The following ESRRG variants were observed in gnomAD, a reference collection of about 807,000 sequenced individuals.
The protein encoded by ESRRG is estrogen-related receptor gamma.
In ESRRG, 13 loss-of-function variants were observed where a neutral mutation model predicts 44.0. The observed-to-expected ratio is 0.30, with a 90% confidence interval of 0.19 to 0.47. The LOEUF is 0.47. ESRRG is among the 20% of genes least tolerant of loss of function. The pLI, the probability that ESRRG is intolerant of heterozygous loss-of-function variation, is 1.00. For missense variants in ESRRG, 395 were observed against 580.6 expected (o/e 0.68, Z 3.29); for synonymous variants, 215 against 214.6 (o/e 1.00, Z -0.02).
At chr1:216,507,232 C>CCTAT (rs1235600800) in intron 6 of ESRRG, 49 bp from the exon 7 acceptor site, 1 of 1,285,338 alleles carries the variant, frequency 7.8e-7, no homozygotes, top group Non-Finnish European at 1.1e-6. Flanking sequence ...TAATAGCAAA[C>CCTAT]CTATGTAGAC....
At chr1:217,019,742 G>T (rs1368000295) in intron 1 of ESRRG, among the ~76,000 whole-genome samples, 1 of 152,136 alleles carries the variant, frequency 6.6e-6, no homozygotes, top group Non-Finnish European at 1.5e-5. Context: ...ATTAGGAAGA[G>T]CAGAGTCATC....
chr1:216,888,583 C>G (rs1054670625), intron 2 of ESRRG, among the ~76,000 whole-genome samples: 5 of 152,166 alleles, frequency 3.3e-5, no homozygotes, highest in Non-Finnish European at 4.4e-5. Flanking sequence ...ATTTTACCTA[C>G]AGGGTCATGG....
chr1:216,821,937 T>C (rs930753043), intron 2 of ESRRG, among the ~76,000 whole-genome samples: 5 of 151,880 alleles, frequency 3.3e-5, no homozygotes, highest in African/African-American at 1.2e-4. Flanking sequence ...GTTCAAAGCT[T>C]GGGATGCTGA....
chr1:216,782,505 C>G (rs983287933), intron 2 of ESRRG, among the ~76,000 whole-genome samples: 1 of 152,084 alleles, frequency 6.6e-6, no homozygotes, highest in African/African-American at 2.4e-5. Flanking sequence ...CACCTTTTAA[C>G]TTATTGATCT....
intron 1 of ESRRG, among the ~76,000 whole-genome samples, chr1:217,099,696 T>C (rs2092478569): frequency 6.6e-6 from 1 of 152,218 alleles, no homozygotes; most frequent in South Asian, 2.1e-4. Context: ...TCTAGAGTTC[T>C]AACGGCAGCC....
chr1:217,115,557 C>G (rs750813835), intron 1 of ESRRG, among the ~76,000 whole-genome samples: 1 of 152,120 alleles, frequency 6.6e-6, no homozygotes, highest in African/African-American at 2.4e-5. Flanking sequence ...ACATACCAGG[C>G]ATGCTCCTCC....
chr1:217,127,665 A>G (rs2092909800), intron 1 of ESRRG, among the ~76,000 whole-genome samples: 1 of 152,170 alleles, frequency 6.6e-6, no homozygotes. Context: ...TCTGCCACTC[A>G]TCAGCTGTAT....
At chr1:216,820,667 C>T (rs2095266594) in intron 2 of ESRRG, among the ~76,000 whole-genome samples, 1 of 152,198 alleles carries the variant, frequency 6.6e-6, no homozygotes, top group South Asian at 2.1e-4. Flanking sequence ...TGAGTATATC[C>T]AGCCTTTGGC....
intron 2 of ESRRG, among the ~76,000 whole-genome samples, chr1:216,821,977 C>T (rs2095307822): frequency 6.6e-6 from 1 of 151,880 alleles, no homozygotes; most frequent in African/African-American, 2.4e-5. Flanking sequence ...CTAGGTAACT[C>T]TCCATTGCCT....
chr1:216,788,112 T>G (rs2094193795), intron 2 of ESRRG, among the ~76,000 whole-genome samples: 1 of 152,188 alleles, frequency 6.6e-6, no homozygotes, highest in Non-Finnish European at 1.5e-5. Flanking sequence ...ATGTAGAAGC[T>G]GCAGCAATTT....
chr1:217,010,064 T>C (rs1579435428), intron 1 of ESRRG, among the ~76,000 whole-genome samples: 1 of 152,138 alleles, frequency 6.6e-6, no homozygotes. Flanking sequence ...AACATTAGAC[T>C]AGCCATGGGC....
At chr1:216,811,734 ATTAG>A (rs371564194) in intron 2 of ESRRG, among the ~76,000 whole-genome samples, 10 of 152,342 alleles carry the variant, frequency 6.6e-5, no homozygotes, top group African/African-American at 2.2e-4. Context: ...TATTTCTGGC[ATTAG>A]TTAAAGGAAC....
chr1:216,805,066 A>G lies in ESRRG; in HGVS notation c.-13-127575T>C, dbSNP rs377382405. ...AGCTGAAGAAATTAGTGAGAAACAG[A>G]AAGTCCTTTCCACACCACGAACATG... On this transcript the variant is annotated intron_variant, in intron 2 of 7. Coordinates refer to the ESRRG transcript ENST00000359162. 5 of 152,202 alleles carry G rather than the reference A, an allele frequency of 3.3e-5. No homozygotes were observed. In the East Asian group the frequency reaches 9.6e-4, roughly 29 times the overall value. The allele number at this position is 152,202 out of a possible 1,614,324, so 9.4% of individuals were successfully genotyped here. A position where few individuals can be genotyped will look rare whatever the true frequency, so the allele number is the denominator to read the frequency against.
chr1:217,030,113 C>T (rs867368), intron 1 of ESRRG, among the ~76,000 whole-genome samples: 29 of 152,226 alleles, frequency 1.9e-4, no homozygotes, highest in Admixed American at 6.5e-4. Flanking sequence ...GGAGGCAGTG[C>T]CTACACAGAG....
At position 217,111,530 on chromosome 1, in the gene ESRRG, G is replaced by C. The variant is rs75751632; in HGVS notation, c.-230+26137C>G. 8.6e-3 allele frequency among the ~76,000 whole-genome samples: 1,308 copies of C among 152,250 alleles called. 20 individuals are homozygous for C. Among genetic ancestry groups the C allele is most frequent in the African/African-American group, 0.03 (1,243 of 41,542 alleles). Reference sequence around the variant, plus strand: ...TCAAAACTATGGGAACAATATGAGTGAACCAAAGAAGAAAGTCATCTTCAC... The same window carrying C: ...TCAAAACTATGGGAACAATATGAGTCAACCAAAGAAGAAAGTCATCTTCAC... On this transcript the variant is annotated intron_variant, in intron 1 of 8. Coordinates refer to the ESRRG transcript ENST00000366940.
rs2091965034 is a variant in ESRRG at position 217,084,569 on chromosome 1, CT to C, written c.-106+4937del. On this transcript the variant is annotated intron_variant, in intron 1 of 7. Transcript: ENST00000359162. Reference sequence around the variant, plus strand: ...TCAGAATAGGAATGCAAAAGTTTTGCTATACTTCACATAATGTTGGCAACCT... The same window carrying C: ...TCAGAATAGGAATGCAAAAGTTTTGCATACTTCACATAATGTTGGCAACCT... 2.6e-5 allele frequency among the ~76,000 whole-genome samples: 4 copies of C among 152,098 alleles called. No individual in the cohort carries two copies. In the South Asian group the frequency reaches 8.3e-4, roughly 31 times the overall value.
chr1:217,082,905 CAA>C (rs2091862235), intron 1 of ESRRG, among the ~76,000 whole-genome samples: 3 of 152,212 alleles, frequency 2.0e-5, no homozygotes, highest in African/African-American at 7.2e-5. Context: ...CAACCAGCCT[CAA>C]AGAGTCCCGA....
At chr1:216,588,799 A>G (rs1468998854) in intron 3 of ESRRG, among the ~76,000 whole-genome samples, 4 of 152,218 alleles carry the variant, frequency 2.6e-5, no homozygotes, top group African/African-American at 9.6e-5. Flanking sequence ...AAGAAGGGAA[A>G]CAAGGAAAGC....
At chr1:216,588,707 C>T (rs1224932946) in intron 3 of ESRRG, among the ~76,000 whole-genome samples, 3 of 152,164 alleles carry the variant, frequency 2.0e-5, no homozygotes, top group Admixed American at 1.3e-4. Flanking sequence ...TCCAAGTCCT[C>T]TTTAAAGAGC....
Sources: allele counts gnomAD v4.1 joint callset (sites outside exome capture counted in the v4.1 genomes callset), GRCh38; gene constraint gnomAD v4.1.1; transcripts MANE v1.5; gene names NCBI Gene and HGNC (gene_info 2026-07-23, HGNC 2026-07-21).